The following PRKN variants were observed in gnomAD, a reference collection of about 807,000 sequenced individuals.
The protein encoded by PRKN is E3 ubiquitin-protein ligase parkin.
In PRKN, 56 loss-of-function variants were observed where a neutral mutation model predicts 59.5. That is an observed-to-expected ratio of 0.94 (90% CI 0.76 to 1.18). The LOEUF (loss-of-function observed/expected upper bound fraction) is 1.18. PRKN is among the 50% of genes most tolerant of loss of function. The probability of loss-of-function intolerance (pLI) is 0.00; values close to 1 mark genes in which losing one functional copy is unlikely to be tolerated. For synonymous variants in PRKN, 250 were observed against 222.1 expected (o/e 1.13, Z -1.12); for missense variants, 657 against 596.4 (o/e 1.10, Z -1.06).
chr6:161,959,781 C>T (rs1370807003), intron 6 of PRKN, among the ~76,000 whole-genome samples: 1 of 152,030 alleles, frequency 6.6e-6, no homozygotes, highest in Non-Finnish European at 1.5e-5. Flanking sequence ...GATTTGTGTA[C>T]AGATCTAAAA....
At chr6:161,772,166 A>T (rs992036520) in intron 7 of PRKN, among the ~76,000 whole-genome samples, 1 of 151,302 alleles carries the variant, frequency 6.6e-6, no homozygotes, top group African/African-American at 2.4e-5. Flanking sequence ...CTAGAACAGT[A>T]TTTTTTTTTG....
intron 2 of PRKN, among the ~76,000 whole-genome samples, chr6:162,273,647 T>C (rs920582707): frequency 6.6e-6 from 1 of 152,154 alleles, no homozygotes; most frequent in Admixed American, 6.6e-5. Context: ...CTGAAGAAGG[T>C]GAGAAGGAGC....
At chr6:162,329,506 C>G (rs1309903215) in intron 2 of PRKN, among the ~76,000 whole-genome samples, 4 of 152,128 alleles carry the variant, frequency 2.6e-5, no homozygotes, top group African/African-American at 4.8e-5. Flanking sequence ...TCCTGAGCAT[C>G]AGGTCTGGCC....
At chr6:161,917,062 A>C (rs1376951182) in intron 6 of PRKN, among the ~76,000 whole-genome samples, 1 of 152,082 alleles carries the variant, frequency 6.6e-6, no homozygotes, top group Non-Finnish European at 1.5e-5. Flanking sequence ...TCCGCCTCCC[A>C]AAGTGCTGGG....
At chr6:162,723,556 C>A (rs1779015699) in intron 1 of PRKN, among the ~76,000 whole-genome samples, 2 of 152,106 alleles carry the variant, frequency 1.3e-5, no homozygotes, top group South Asian at 4.1e-4. Flanking sequence ...CAATTTTCAG[C>A]CCAGAGGGGC....
chr6:162,150,030 C>T (rs1782199638), intron 4 of PRKN, among the ~76,000 whole-genome samples: 1 of 152,206 alleles, frequency 6.6e-6, no homozygotes, highest in African/African-American at 2.4e-5. Context: ...CTGGACAGAT[C>T]TCACTTCTTC....
intron 5 of PRKN, among the ~76,000 whole-genome samples, chr6:162,019,962 T>C (rs1403146156): frequency 6.6e-6 from 1 of 151,700 alleles, no homozygotes; most frequent in African/African-American, 2.4e-5. Context: ...GAGATTTCAG[T>C]GAGCCAAGAT....
chr6:162,001,199 T>C (rs144471839), intron 5 of PRKN, among the ~76,000 whole-genome samples: 1 of 152,170 alleles, frequency 6.6e-6, no homozygotes, highest in Non-Finnish European at 1.5e-5. Context: ...CTGGACTTTT[T>C]ATTGTGATTG....
chr6:162,303,872 G>A (rs994889474), intron 2 of PRKN, among the ~76,000 whole-genome samples: 3 of 152,092 alleles, frequency 2.0e-5, no homozygotes, highest in African/African-American at 7.2e-5. Flanking sequence ...GGAGGTAGTG[G>A]AGGGCCAGGA....
chr6:162,656,233 C>T (rs1006329005), intron 1 of PRKN, among the ~76,000 whole-genome samples: 13 of 152,160 alleles, frequency 8.5e-5, no homozygotes, highest in Non-Finnish European at 1.3e-4. Context: ...AGAACTAATT[C>T]GGGATATAGA....
intron 3 of PRKN, among the ~76,000 whole-genome samples, chr6:162,227,678 A>C (rs1483737100): frequency 6.6e-6 from 1 of 152,164 alleles, no homozygotes; most frequent in African/African-American, 2.4e-5. Context: ...CCTCACTCTT[A>C]AACTTGAAAA....
At chr6:162,653,055 G>A (rs946350520) in intron 1 of PRKN, among the ~76,000 whole-genome samples, 5 of 151,860 alleles carry the variant, frequency 3.3e-5, no homozygotes, top group African/African-American at 9.7e-5. Context: ...ATGATTTGAA[G>A]ATATTTTATT....
rs944153679 is a variant in PRKN, at chr6:161,561,521, A to G, written c.933+7834T>C. On this transcript the variant is annotated intron_variant, in intron 8 of 11. Coordinates refer to ENST00000366898, the MANE Select transcript of PRKN (RefSeq NM_004562.3). The surrounding 1 kb of genome is among the most constrained non-coding windows in gnomAD (Gnocchi z 5.0). ...AAATGACATCTTCCTTCGTGGAGCC[A>G]TCATACTGCATCTCTCCTCTTCACA... 2.2e-4 allele frequency among the ~76,000 whole-genome samples: 33 copies of G among 152,140 alleles called. 1 individual carries two copies. The highest frequency in any genetic ancestry group is 7.7e-4 in the African/African-American group (32 of 41,418).
intron 9 of PRKN, among the ~76,000 whole-genome samples, chr6:161,511,404 G>C (rs752939529): frequency 6.6e-6 from 1 of 152,122 alleles, no homozygotes; most frequent in Non-Finnish European, 1.5e-5. Flanking sequence ...TAAACCGCAC[G>C]AGGCCTAAGA....
Position 161,548,276 on chromosome 6 carries a change from C to T in PRKN, c.1083+578G>A, listed in dbSNP as rs1055163511. 3.9e-5 allele frequency among the ~76,000 whole-genome samples: 6 copies of T among 152,142 alleles called. No individual in the cohort carries two copies. Among genetic ancestry groups the T allele is most frequent in the South Asian group, 2.1e-4 (1 of 4,824 alleles). On this transcript the variant is annotated intron_variant, in intron 9 of 11. Transcript: ENST00000366898. This position sits in a 1 kb window ranked among gnomAD's most constrained non-coding sequence, Gnocchi z 4.2. Reference sequence around the variant, plus strand: ...GCAGCCATAGATTCATTTGAAAAGCCGGCCAGGTCACATGGTTTGACCTCT... The same window carrying T: ...GCAGCCATAGATTCATTTGAAAAGCTGGCCAGGTCACATGGTTTGACCTCT...
chr6:162,040,833 G>A (rs1262813445), intron 5 of PRKN, among the ~76,000 whole-genome samples: 8 of 152,008 alleles, frequency 5.3e-5, no homozygotes, highest in Non-Finnish European at 1.2e-4. Flanking sequence ...AGCTGCCCAA[G>A]GAGAACAGTA....
chr6:161,669,371 C>T (rs1288343663), intron 7 of PRKN, among the ~76,000 whole-genome samples: 1 of 152,202 alleles, frequency 6.6e-6, no homozygotes, highest in Non-Finnish European at 1.5e-5. Flanking sequence ...TTCCTCCTCC[C>T]CATCCAATTT....
At chr6:162,352,768 G>C (rs1784676463) in intron 2 of PRKN, among the ~76,000 whole-genome samples, 1 of 152,178 alleles carries the variant, frequency 6.6e-6, no homozygotes, top group Non-Finnish European at 1.5e-5. Context: ...AGAAAGGACA[G>C]AGAGAGTATT....
At chr6:162,583,771 G>C (rs1219438030) in intron 1 of PRKN, among the ~76,000 whole-genome samples, 2 of 152,058 alleles carry the variant, frequency 1.3e-5, no homozygotes, top group Non-Finnish European at 2.9e-5. Flanking sequence ...AATAGCAAAT[G>C]ATCCTATAAA....
Sources: allele counts gnomAD v4.1 joint callset (sites outside exome capture counted in the v4.1 genomes callset), GRCh38; gene constraint gnomAD v4.1.1; non-coding constraint Gnocchi (gnomAD v3.1); transcripts MANE v1.5; gene names NCBI Gene and HGNC (gene_info 2026-07-23, HGNC 2026-07-21).